SFXN1: variants seen among roughly 807,000 people sequenced by gnomAD.
SFXN1 encodes the protein sideroflexin 1.
In SFXN1, 32 loss-of-function variants were observed where a neutral mutation model predicts 39.5. The ratio of observed to expected loss-of-function variants is 0.81; its 90% CI spans 0.61 to 1.09. SFXN1 has a LOEUF of 1.09. Among genes scored for constraint, SFXN1 ranks in the 50% least tolerant of loss-of-function variants. The pLI is 0.00. For synonymous variants in SFXN1, 136 were observed against 146.5 expected, an observed-to-expected ratio of 0.93 and a Z score of 0.52; for missense variants, 402 against 407.1, an observed-to-expected ratio of 0.99 and a Z score of 0.11.
At chr5:175,513,071 C>T (rs1299028879) in intron 6 of SFXN1, among the ~76,000 whole-genome samples, 2 of 151,920 alleles carry the variant, frequency 1.3e-5, no homozygotes, top group Admixed American at 6.6e-5. Context: ...GAGGCCGAGG[C>T]GAGTGGATCA....
intron 7 of SFXN1, among the ~76,000 whole-genome samples, chr5:175,516,366 TC>T (rs1179018260): frequency 6.6e-6 from 1 of 152,228 alleles, no homozygotes; most frequent in African/African-American, 2.4e-5. Context: ...AAAGTTCTTT[TC>T]AAGATTATAA....
At chr5:175,526,190 C>T (rs769277518) in intron 10 of SFXN1, among the ~76,000 whole-genome samples, 3 of 142,168 alleles carry the variant, frequency 2.1e-5, no homozygotes, top group Non-Finnish European at 4.5e-5. Context: ...GTATTACATA[C>T]AGTAAACAAA....
In SFXN1 at chr5:175,482,751, G is replaced by A. The variant is rs537384545; in HGVS notation, c.-10+4112G>A. ...TAGATGACAGAATTGAGGCTCAGAG[G>A]TGTAAAGTAATTCACCCAGTCACAT... On this transcript the variant is annotated intron_variant, in intron 1 of 10. Coordinates refer to ENST00000321442, the MANE Select transcript of SFXN1 (RefSeq NM_022754.7). Among the ~76,000 whole-genome samples, 199 of 152,298 alleles carry A rather than the reference G, an allele frequency of 1.3e-3. 3 individuals carry two copies. Among genetic ancestry groups the A allele is most frequent in the African/African-American group, 4.5e-3 (185 of 41,564 alleles).
At chr5:175,480,349 C>A (rs902744236) in intron 1 of SFXN1, among the ~76,000 whole-genome samples, 23 of 151,796 alleles carry the variant, frequency 1.5e-4, no homozygotes, top group African/African-American at 4.8e-4. Flanking sequence ...TGCAGTGAGC[C>A]GAGATCGCGC....
intron 7 of SFXN1, among the ~76,000 whole-genome samples, chr5:175,514,754 T>C (rs1760657493): frequency 6.6e-6 from 1 of 152,148 alleles, no homozygotes; most frequent in Non-Finnish European, 1.5e-5. Flanking sequence ...TTCCAGCAAA[T>C]TGGGGGAAAA....
intron 2 of SFXN1, among the ~76,000 whole-genome samples, chr5:175,495,438 G>A (rs1759822484): frequency 6.6e-6 from 1 of 152,120 alleles, no homozygotes; most frequent in Non-Finnish European, 1.5e-5. Flanking sequence ...ACTTAAAAAT[G>A]GTTAAAATGG....
At chr5:175,484,430 C>T (rs1759372958) in intron 1 of SFXN1, among the ~76,000 whole-genome samples, 1 of 152,228 alleles carries the variant, frequency 6.6e-6, no homozygotes, top group Non-Finnish European at 1.5e-5. Context: ...CCTGACCCGT[C>T]AGTACCAGGT....
chr5:175,498,252 C>A (rs977318721), intron 2 of SFXN1, among the ~76,000 whole-genome samples: 16 of 152,144 alleles, frequency 1.1e-4, no homozygotes. Flanking sequence ...TAGAGAACAG[C>A]AGAATAATAG....
intron 2 of SFXN1, among the ~76,000 whole-genome samples, chr5:175,496,245 C>T (rs927693063): frequency 1.3e-5 from 2 of 151,674 alleles, no homozygotes; most frequent in East Asian, 1.9e-4. Flanking sequence ...GGCATGGTGA[C>T]GCGCACCTAT....
chr5:175,490,277 T>C (rs968260262), intron 1 of SFXN1, among the ~76,000 whole-genome samples: 2 of 152,232 alleles, frequency 1.3e-5, no homozygotes, highest in Non-Finnish European at 2.9e-5. Context: ...GGACACCGTA[T>C]AGCTGCATTC....
At chr5:175,493,993 T>C (rs1449329635) in intron 2 of SFXN1, among the ~76,000 whole-genome samples, 1 of 151,964 alleles carries the variant, frequency 6.6e-6, no homozygotes, top group African/African-American at 2.4e-5. Context: ...ATCCCTGATA[T>C]AGATGGAAAA....
At chr5:175,507,663 A>G (rs532075639) in intron 2 of SFXN1, among the ~76,000 whole-genome samples, 4 of 152,274 alleles carry the variant, frequency 2.6e-5, no homozygotes, top group African/African-American at 9.6e-5. Flanking sequence ...TGAGGCACCT[A>G]ATTTTTTTTT....
intron 2 of SFXN1, among the ~76,000 whole-genome samples, chr5:175,498,215 A>G (rs1264150017): frequency 6.6e-6 from 1 of 152,218 alleles, no homozygotes; most frequent in African/African-American, 2.4e-5. Context: ...CTGACAATGA[A>G]TGAACTGAGA....
rs1326387826 is a variant in SFXN1, at chr5:175,527,756, C to T, written c.*1022C>T. On this transcript the variant is annotated 3_prime_UTR_variant, in exon 11 of 11. Transcript: ENST00000321442. ...TCCACTTCATTTGAAAATAATGAAA[C>T]CATGTACCACTGTTTACATCATCTG... The T allele has an allele frequency of 6.6e-6, 1 of 152,024 alleles. No homozygotes were observed. Among genetic ancestry groups the T allele is most frequent in the Non-Finnish European group, 1.5e-5 (1 of 67,984 alleles). The allele number at this position is 152,024 out of a possible 1,614,324, so 9.4% of individuals were successfully genotyped here. A position where few individuals can be genotyped will look rare whatever the true frequency, so the allele number is the denominator to read the frequency against.
intron 1 of SFXN1, among the ~76,000 whole-genome samples, chr5:175,479,925 TA>T (rs1759168793): frequency 6.6e-6 from 1 of 152,168 alleles, no homozygotes; most frequent in Non-Finnish European, 1.5e-5. Context: ...TAGGCATTGT[TA>T]TAGGTGCCCA....
Position 175,495,207 on chromosome 5 carries a change from G to C in SFXN1, c.164+2940G>C, listed in dbSNP as rs150861124. 5.3e-5 allele frequency among the ~76,000 whole-genome samples: 8 copies of C among 152,240 alleles called. No homozygotes were observed. In the East Asian group the frequency reaches 1.5e-3, roughly 29 times the overall value. On this transcript the variant is annotated intron_variant, in intron 2 of 10. Transcript: ENST00000321442. ...GAGTAAAATAAGCTAGTCACAAAAG[G>C]ACAAATATTGTGTGATTTCATTTAT...
intron 1 of SFXN1, among the ~76,000 whole-genome samples, chr5:175,482,533 C>T (rs1362487861): frequency 6.6e-6 from 1 of 152,166 alleles, no homozygotes; most frequent in Non-Finnish European, 1.5e-5. Context: ...AGGAGCCATT[C>T]CTGGCCCCAG....
At chr5:175,513,296 T>TAAA (rs55761424) in intron 6 of SFXN1, among the ~76,000 whole-genome samples, 167 bp from the exon 7 acceptor site, 2 of 65,270 alleles carry the variant, frequency 3.1e-5, no homozygotes, top group Admixed American at 1.8e-4. Context: ...AGTGAGACTG[T>TAAA]AAAAAAAAAA....
At chr5:175,495,940 GC>G (rs1177126910) in intron 2 of SFXN1, among the ~76,000 whole-genome samples, 3 of 137,718 alleles carry the variant, frequency 2.2e-5, no homozygotes, top group Admixed American at 1.5e-4. Flanking sequence ...CGCTCTTGTT[GC>G]CCAGGCTGGA....
Sources: gnomAD v4.1 joint callset for allele counts (sites outside exome capture counted in the v4.1 genomes callset) on GRCh38, gnomAD v4.1.1 for gene constraint, MANE v1.5 for transcripts, NCBI Gene and HGNC (gene_info 2026-07-23, HGNC 2026-07-21) for gene names.